TMEM45B: variants seen among roughly 807,000 people sequenced by gnomAD.
TMEM45B encodes the protein transmembrane protein 45B.
A neutral mutation model predicts 27.3 loss-of-function variants in TMEM45B; 29 were observed. That is an observed-to-expected ratio of 1.06 (90% CI 0.79 to 1.45). The LOEUF (loss-of-function observed/expected upper bound fraction) is 1.45. TMEM45B is among the 40% of genes most tolerant of loss of function. The probability of loss-of-function intolerance (pLI) is 0.00; values close to 1 mark genes in which losing one functional copy is unlikely to be tolerated. For missense variants in TMEM45B, 348 were observed against 343.9 expected, an observed-to-expected ratio of 1.01 and a Z score of -0.09; for synonymous variants, 143 against 134.7, an observed-to-expected ratio of 1.06 and a Z score of -0.43.
At chr11:129,819,198 A>G (rs1204611857) in intron 1 of TMEM45B, among the ~76,000 whole-genome samples, 5 of 152,254 alleles carry the variant, frequency 3.3e-5, no homozygotes, top group Non-Finnish European at 7.3e-5. Context: ...CACAGTGCCC[A>G]TAGCAGGCAT....
chr11:129,847,404 GTTATTTTTTT>G (rs1555072222), intron 1 of TMEM45B, among the ~76,000 whole-genome samples: 23 of 147,976 alleles, frequency 1.6e-4, no homozygotes, highest in African/African-American at 5.9e-4. Context: ...AGCTTATGAA[GTTATTTTTTT>G]TTATTTTTTT....
At chr11:129,829,856 G>C (rs541929636) in intron 1 of TMEM45B, among the ~76,000 whole-genome samples, 38 of 152,340 alleles carry the variant, frequency 2.5e-4, no homozygotes, top group African/African-American at 8.4e-4. Context: ...TTATAGGCAA[G>C]GTCCTTCTGT....
At chr11:129,829,357 T>C (rs1438042819) in intron 1 of TMEM45B, among the ~76,000 whole-genome samples, 2 of 152,224 alleles carry the variant, frequency 1.3e-5, no homozygotes, top group African/African-American at 4.8e-5. Flanking sequence ...TTGGTTTCTA[T>C]CCTTTCCCTG....
chr11:129,817,117 CTT>C (rs1276808792), intron 1 of TMEM45B, among the ~76,000 whole-genome samples: 1 of 152,098 alleles, frequency 6.6e-6, no homozygotes, highest in Non-Finnish European at 1.5e-5. Flanking sequence ...CCTCCTGCAC[CTT>C]TTTGTCTCCT....
intron 1 of TMEM45B, 67 bp from the exon 2 acceptor site, chr11:129,852,408 C>A (rs1003767813): frequency 4.9e-6 from 7 of 1,434,490 alleles, no homozygotes; most frequent in Non-Finnish European, 6.7e-6. Context: ...TATTGTGTTT[C>A]CTGCCAAAAT....
intron 1 of TMEM45B, among the ~76,000 whole-genome samples, chr11:129,833,333 G>C (rs1681687133): frequency 6.6e-6 from 1 of 151,832 alleles, no homozygotes; most frequent in South Asian, 2.1e-4. Context: ...GCAGAATTTT[G>C]TCCCCCCACC....
chr11:129,841,631 C>T lies in TMEM45B; in HGVS notation c.-8-10844C>T, dbSNP rs558523738. Reference sequence around the variant, plus strand: ...TTTGGAGACAAGAGTCTCACTCTGTCGCCCGCCCAGGCTGGAGTGCAGTGA... The same window carrying T: ...TTTGGAGACAAGAGTCTCACTCTGTTGCCCGCCCAGGCTGGAGTGCAGTGA... On this transcript the variant is annotated intron_variant, in intron 1 of 5. Coordinates refer to ENST00000281441, the MANE Select transcript of TMEM45B (RefSeq NM_138788.5). 6.1e-5 allele frequency among the ~76,000 whole-genome samples: 8 copies of T among 131,174 alleles called. No individual in the cohort carries two copies. The East Asian group carries it at 1.6e-3, about 26-fold the overall frequency. 86.1% of individuals were successfully genotyped at this position (131,174 alleles called of 152,430 possible). A position where few individuals can be genotyped will look rare whatever the true frequency, so the allele number is the denominator to read the frequency against.
intron 1 of TMEM45B, among the ~76,000 whole-genome samples, chr11:129,837,600 T>TTTTTTTTTTTTTTTTTG (rs1591441385): frequency 7.5e-6 from 1 of 133,254 alleles, no homozygotes; most frequent in Admixed American, 7.7e-5. Context: ...TTTTTTTTTT[T>TTTTTTTTTTTTTTTTTG]GAGACAGGGT....
At chr11:129,826,396 A>C (rs1947479652) in intron 1 of TMEM45B, among the ~76,000 whole-genome samples, 3 of 151,560 alleles carry the variant, frequency 2.0e-5, no homozygotes, top group Non-Finnish European at 4.4e-5. Context: ...AAAAATACAA[A>C]AAATTAGCTG....
intron 1 of TMEM45B, among the ~76,000 whole-genome samples, chr11:129,818,691 T>C (rs1308322076): frequency 1.3e-5 from 2 of 152,248 alleles, no homozygotes; most frequent in Non-Finnish European, 2.9e-5. Context: ...GTTTTCTGAC[T>C]TGAATTATCA....
Position 129,854,692 on chromosome 11 carries a change from G to A in TMEM45B, c.261G>A (p.Trp87Ter). The A allele has an allele frequency of 6.2e-7, 1 of 1,614,216 alleles. No homozygotes were observed. The highest frequency in any genetic ancestry group is 8.5e-7 in the Non-Finnish European group (1 of 1,180,042). ...HENHWIKLMNWQHSTMYLFFA... is the reference protein window; with the variant it reads ...HENHWIKLMN ...ACCACTGGATAAAGTTAATGAATTG[G>A]CAGCACAGCACCATGTACCTATTCT... The change falls in exon 3 of 6, where the codon TGG (tryptophan) becomes TGA (stop). Residue 87 changes from tryptophan (W) to a stop codon, truncating the protein, a stop_gained. Transcript: ENST00000281441. LOFTEE classifies it high-confidence loss of function.
rs567112901 is a variant in TMEM45B, at chr11:129,829,992, A to G, written c.-9+14094A>G. 1.6e-4 allele frequency among the ~76,000 whole-genome samples: 24 copies of G among 152,366 alleles called. No individual in the cohort carries two copies. The South Asian group carries it at 4.3e-3, about 28-fold the overall frequency. ...CACTTGGATATTCACATGTGAAAGA[A>G]TAAAGTTGGATCCCTACCTCACACC... On this transcript the variant is annotated intron_variant, in intron 1 of 5. Coordinates refer to ENST00000281441, the MANE Select transcript of TMEM45B (RefSeq NM_138788.5).
At chr11:129,857,282 A>G (rs777777486) in intron 4 of TMEM45B, 31 bp from the exon 5 acceptor site, 2 of 1,609,200 alleles carry the variant, frequency 1.2e-6, no homozygotes, top group Non-Finnish European at 1.7e-6. Context: ...ACGACCAACC[A>G]CAAGACCAAC....
At chr11:129,837,222 G>T (rs1167231503) in intron 1 of TMEM45B, among the ~76,000 whole-genome samples, 1 of 151,922 alleles carries the variant, frequency 6.6e-6, no homozygotes, top group African/African-American at 2.4e-5. Flanking sequence ...GCCCGGGCTG[G>T]TCTCTACCAC....
chr11:129,816,940 G>C (rs1289766850), intron 1 of TMEM45B, among the ~76,000 whole-genome samples: 3 of 150,668 alleles, frequency 2.0e-5, no homozygotes, highest in Non-Finnish European at 4.4e-5. Context: ...TAGAGACGGG[G>C]TTTCACCGTG....
chr11:129,852,727 T>C (rs1947866366), intron 2 of TMEM45B, 67 bp downstream of exon 2: 1 of 1,507,840 alleles, frequency 6.6e-7, no homozygotes. Context: ...ATTCATTTTC[T>C]GAGCCCTGTG....
At chr11:129,832,635 T>A (rs2323773) in intron 1 of TMEM45B, among the ~76,000 whole-genome samples, 138,879 of 151,804 alleles carry the variant, frequency 0.91, 63,683 homozygotes, top group East Asian at 1. Flanking sequence ...TGTAATTTTT[T>A]TATAAAATTA....
chr11:129,859,906 A>G lies in TMEM45B; in HGVS notation c.*1221A>G, dbSNP rs1302957862. ...TGAAATGGCTGTAAGGACTCCTGAG[A>G]TATGTGTCCAGCAAGGAGTTTACAG... On this transcript the variant is annotated 3_prime_UTR_variant, in exon 6 of 6. Coordinates refer to ENST00000281441, the MANE Select transcript of TMEM45B (RefSeq NM_138788.5). The G allele has an allele frequency of 1.3e-5, 2 of 152,564 alleles. No homozygotes were observed. The highest frequency in any genetic ancestry group is 1.9e-4 in the East Asian group (1 of 5,182). 9.5% of individuals were successfully genotyped at this position (152,564 alleles called of 1,614,324 possible).
intron 1 of TMEM45B, among the ~76,000 whole-genome samples, chr11:129,839,182 A>G (rs2135577391): frequency 6.6e-6 from 1 of 152,328 alleles, no homozygotes; most frequent in East Asian, 1.9e-4. Context: ...GATATGAAAT[A>G]AAAAGGAACA....
Sources: gnomAD v4.1 joint callset for allele counts (sites outside exome capture counted in the v4.1 genomes callset) on GRCh38, gnomAD v4.1.1 for gene constraint, MANE v1.5 for transcripts, NCBI Gene and HGNC (gene_info 2026-07-23, HGNC 2026-07-21) for gene names.